The following WWOX variants were observed in gnomAD, a reference collection of about 807,000 sequenced individuals.
WWOX encodes the protein WW domain containing oxidoreductase.
Under a neutral mutation model 46.2 loss-of-function variants are expected in WWOX, and 69 were observed. The observed-to-expected ratio is 1.49, with a 90% confidence interval of 1.23 to 1.82. The LOEUF (loss-of-function observed/expected upper bound fraction) is 1.82, where lower values mean the gene tolerates loss of function less well. Among genes scored for constraint, WWOX ranks in the 40% most tolerant of loss-of-function variants. The pLI is 0.00. For missense variants in WWOX, 919 were observed against 542.6 expected (o/e 1.69, Z -6.89); for synonymous variants, 359 against 202.6 (o/e 1.77, Z -6.56).
intron 6 of WWOX, among the ~76,000 whole-genome samples, chr16:78,406,307 T>TAAATAA (rs60615202): frequency 1.2e-4 from 2 of 16,408 alleles, no homozygotes; most frequent in South Asian, 3.1e-3. Flanking sequence ...AATATAAATA[T>TAAATAA]ATATATATAT....
At chr16:78,108,285 C>A in intron 1 of WWOX, 138 bp from the exon 2 acceptor site, 1 of 837,002 alleles carries the variant, frequency 1.2e-6, no homozygotes, top group South Asian at 1.5e-5. Flanking sequence ...TAGCTGGGGT[C>A]ACAGTCCTCT....
chr16:78,107,580 C>G (rs576417838), intron 1 of WWOX, among the ~76,000 whole-genome samples: 1 of 151,948 alleles, frequency 6.6e-6, no homozygotes, highest in East Asian at 1.9e-4. Context: ...AGCTAGATGC[C>G]CTATGGGAAG....
At position 78,655,151 on chromosome 16, in the gene WWOX, G is replaced by A. The variant is rs558420413; in HGVS notation, c.1056+222399G>A. On this transcript the variant is annotated intron_variant, in intron 8 of 8. Coordinates refer to ENST00000566780, the MANE Select transcript of WWOX (RefSeq NM_016373.4). Reference sequence around the variant, plus strand: ...CGGCTCAAACTAGCTTCGGGGACTCGCTGTGGCCATAGGTGCCCTAGGCTG... The same window carrying A: ...CGGCTCAAACTAGCTTCGGGGACTCACTGTGGCCATAGGTGCCCTAGGCTG... 7.2e-5 allele frequency among the ~76,000 whole-genome samples: 11 copies of A among 152,140 alleles called. No homozygotes were observed. In the South Asian group the frequency reaches 1.7e-3, roughly 23 times the overall value.
intron 8 of WWOX, chr16:78,506,695 G>GTTTTTTTTT (rs1159884484): frequency 1.3e-3 from 11 of 8,636 alleles, no homozygotes; most frequent in African/African-American, 1.8e-3. Context: ...CTTTTTGTGT[G>GTTTTTTTTT]TTTTTTTTTT....
chr16:78,434,036 G>A (rs905992741), intron 8 of WWOX, among the ~76,000 whole-genome samples: 42 of 152,130 alleles, frequency 2.8e-4, no homozygotes, highest in African/African-American at 8.9e-4. Flanking sequence ...TGATCCGCCC[G>A]CCTCGGCCTC....
At chr16:78,758,289 T>C (rs1476496606) in intron 8 of WWOX, among the ~76,000 whole-genome samples, 1 of 152,204 alleles carries the variant, frequency 6.6e-6, no homozygotes, top group African/African-American at 2.4e-5. Flanking sequence ...CCAATGCTTG[T>C]GTTCTCTTTG....
intron 8 of WWOX, among the ~76,000 whole-genome samples, chr16:78,805,109 C>T (rs752651999): frequency 5.3e-5 from 8 of 152,002 alleles, no homozygotes; most frequent in Non-Finnish European, 1.2e-4. Flanking sequence ...TTAAGAATAT[C>T]ACTACCAAAA....
At chr16:78,792,127 A>G (rs2050618557) in intron 8 of WWOX, among the ~76,000 whole-genome samples, 1 of 152,154 alleles carries the variant, frequency 6.6e-6, no homozygotes. Context: ...GGCTTGCTGC[A>G]TCACAAACCA....
chr16:78,537,726 G>A (rs1202582875), intron 8 of WWOX, among the ~76,000 whole-genome samples: 1 of 152,150 alleles, frequency 6.6e-6, no homozygotes, highest in East Asian at 1.9e-4. Context: ...GGGTAGACCA[G>A]TGCTTCCTTT....
At chr16:78,178,128 C>T (rs2035408608) in intron 5 of WWOX, among the ~76,000 whole-genome samples, 1 of 152,148 alleles carries the variant, frequency 6.6e-6, no homozygotes, top group South Asian at 2.1e-4. Context: ...AAGGGAGGAG[C>T]TCTTCATAAT....
chr16:79,059,995 A>G (rs962103373), intron 8 of WWOX, among the ~76,000 whole-genome samples: 2 of 152,142 alleles, frequency 1.3e-5, no homozygotes, highest in African/African-American at 4.8e-5. Flanking sequence ...TATTGAATAG[A>G]TTCCATTTTA....
intron 8 of WWOX, among the ~76,000 whole-genome samples, chr16:78,847,219 C>A (rs1299866461): frequency 6.6e-6 from 1 of 152,168 alleles, no homozygotes; most frequent in Non-Finnish European, 1.5e-5. Context: ...GCGCTCATTA[C>A]TGCTGGAGTG....
intron 8 of WWOX, among the ~76,000 whole-genome samples, chr16:78,806,555 C>T (rs561278819): frequency 3.3e-5 from 5 of 152,060 alleles, no homozygotes; most frequent in Admixed American, 6.6e-5. Context: ...GGGACCCTTG[C>T]TGGAGGGTCT....
At chr16:78,198,145 G>A (rs942747880) in intron 5 of WWOX, among the ~76,000 whole-genome samples, 3 of 151,966 alleles carry the variant, frequency 2.0e-5, no homozygotes, top group Non-Finnish European at 4.4e-5. Context: ...GAGGAGTCTG[G>A]CTCCTGGGGC....
intron 8 of WWOX, among the ~76,000 whole-genome samples, chr16:78,444,536 T>C (rs2083514691): frequency 1.3e-5 from 2 of 148,254 alleles, no homozygotes; most frequent in Non-Finnish European, 3.0e-5. Context: ...GCAATTCTTT[T>C]TTTTTTTTTT....
chr16:78,233,428 C>G (rs935059307), intron 5 of WWOX, among the ~76,000 whole-genome samples: 3 of 151,928 alleles, frequency 2.0e-5, no homozygotes, highest in African/African-American at 7.3e-5. Flanking sequence ...GCTGTGGTGG[C>G]CTATTGGACT....
At chr16:78,709,864 G>A (rs962243854) in intron 8 of WWOX, among the ~76,000 whole-genome samples, 14 of 151,940 alleles carry the variant, frequency 9.2e-5, no homozygotes, top group Non-Finnish European at 1.8e-4. Flanking sequence ...GAGTAACTGG[G>A]ATTACAGGCA....
intron 8 of WWOX, among the ~76,000 whole-genome samples, chr16:78,755,500 A>T (rs1201298712): frequency 6.6e-6 from 1 of 152,168 alleles, no homozygotes; most frequent in Non-Finnish European, 1.5e-5. Flanking sequence ...GATGTTCTTG[A>T]GTCAGTACCT....
At chr16:78,262,775 C>A (rs1446152763) in intron 5 of WWOX, among the ~76,000 whole-genome samples, 1 of 152,160 alleles carries the variant, frequency 6.6e-6, no homozygotes, top group Non-Finnish European at 1.5e-5. Context: ...AGACTCGGAT[C>A]TTTAAATATA....
Sources: allele counts gnomAD v4.1 joint callset (sites outside exome capture counted in the v4.1 genomes callset), GRCh38; gene constraint gnomAD v4.1.1; transcripts MANE v1.5; gene names NCBI Gene and HGNC (gene_info 2026-07-23, HGNC 2026-07-21).